The following RIC1 variants were observed in gnomAD, a reference collection of about 807,000 sequenced individuals.
RIC1 encodes guanine nucleotide exchange factor subunit RIC1.
A neutral mutation model predicts 169.0 loss-of-function variants in RIC1; 88 were observed. That is an observed-to-expected ratio of 0.52 (90% confidence interval 0.44 to 0.62). The LOEUF is 0.62. Among genes scored for constraint, RIC1 ranks in the 20% least tolerant of loss-of-function variants. RIC1 has a pLI of 0.00. For synonymous variants in RIC1, 790 were observed against 601.5 expected (o/e 1.31, Z -4.59); for missense variants, 1,877 against 1,725.5 (o/e 1.09, Z -1.56).
At chr9:5,671,992 CTG>C (rs1042743270) in intron 2 of RIC1, among the ~76,000 whole-genome samples, 3 of 152,216 alleles carry the variant, frequency 2.0e-5, no homozygotes, top group African/African-American at 7.2e-5. Context: ...CCATAAAACT[CTG>C]TTAACTGCTG....
intron 14 of RIC1, 114 bp downstream of exon 14, chr9:5,753,760 A>G: frequency 2.1e-6 from 1 of 483,514 alleles, no homozygotes; most frequent in Non-Finnish European, 3.6e-6. Context: ...AAAATAAGGA[A>G]AATCAGATAT....
intron 6 of RIC1, among the ~76,000 whole-genome samples, chr9:5,727,258 T>C (rs567097625): frequency 1.3e-5 from 2 of 152,304 alleles, no homozygotes; most frequent in South Asian, 2.1e-4. Flanking sequence ...CATTTCTTTT[T>C]ACTCTTTTTT....
chr9:5,732,192 G>T (rs186410358), intron 6 of RIC1, among the ~76,000 whole-genome samples, 196 bp from the exon 7 acceptor site: 1 of 152,306 alleles, frequency 6.6e-6, no homozygotes, highest in South Asian at 2.1e-4. Context: ...TTCATGAGAA[G>T]TTTGAGGTTT....
chr9:5,717,866 C>T lies in RIC1; in HGVS notation c.441-2316C>T, dbSNP rs567182690. On this transcript the variant is annotated intron_variant, in intron 4 of 25. Transcript: ENST00000414202. Reference sequence around the variant, plus strand: ...TAAAAAAAAAAAAAGTTCAGCCAGGCGCAGTGGCTCACGCCTGTAATCCCA... The same window carrying T: ...TAAAAAAAAAAAAAGTTCAGCCAGGTGCAGTGGCTCACGCCTGTAATCCCA... Among the ~76,000 whole-genome samples the T allele has an allele frequency of 2.8e-4, 42 of 148,826 alleles. 1 individual carries two copies. In the East Asian group the frequency reaches 7.5e-3, roughly 26 times the overall value.
intron 10 of RIC1, 70 bp downstream of exon 10, chr9:5,743,807 A>G (rs1349088909): frequency 1.7e-6 from 2 of 1,147,796 alleles, no homozygotes; most frequent in East Asian, 2.4e-5. Flanking sequence ...TTTTTCACTC[A>G]TTTTTATTTA....
intron 1 of RIC1, among the ~76,000 whole-genome samples, chr9:5,651,055 GCT>G (rs916328107): frequency 6.6e-6 from 1 of 152,174 alleles, no homozygotes; most frequent in East Asian, 1.9e-4. Context: ...CCCAGTGTGA[GCT>G]CTCTCTCTGG....
intron 4 of RIC1, among the ~76,000 whole-genome samples, chr9:5,716,774 G>A (rs1587006222): frequency 6.6e-6 from 1 of 152,138 alleles, no homozygotes; most frequent in African/African-American, 2.4e-5. Flanking sequence ...GGTGACTTGG[G>A]GCAAGGTCTA....
At chr9:5,665,913 A>G (rs1245253079) in intron 2 of RIC1, among the ~76,000 whole-genome samples, 1 of 152,190 alleles carries the variant, frequency 6.6e-6, no homozygotes, top group African/African-American at 2.4e-5. Flanking sequence ...GTCAGGAGGA[A>G]CGGGATCAGG....
At chr9:5,726,709 A>G (rs1161373749) in intron 6 of RIC1, among the ~76,000 whole-genome samples, 2 of 152,094 alleles carry the variant, frequency 1.3e-5, no homozygotes, top group Non-Finnish European at 2.9e-5. Context: ...TCCTTTCCAT[A>G]TTTAGTGCTT....
At position 5,678,857 on chromosome 9, in the gene RIC1, C is replaced by T. The variant is rs569206849; in HGVS notation, c.253-11102C>T. ...GAAGCTCTTTAGTTGAATTAGATCC[C>T]ATTTGTCAATTTTGGCTTTTGTTGC... On this transcript the variant is annotated intron_variant, in intron 2 of 25. Transcript: ENST00000414202. 8.2e-3 allele frequency among the ~76,000 whole-genome samples: 1,244 copies of T among 152,228 alleles called. 9 individuals carry two copies. The highest frequency in any genetic ancestry group is 0.012 in the Non-Finnish European group (815 of 68,010).
chr9:5,664,806 A>G (rs1819655024), intron 2 of RIC1, among the ~76,000 whole-genome samples: 1 of 151,896 alleles, frequency 6.6e-6, no homozygotes, highest in African/African-American at 2.4e-5. Flanking sequence ...GGTTTTATTC[A>G]TTTTCATTCT....
chr9:5,676,522 G>C (rs892941346), intron 2 of RIC1, among the ~76,000 whole-genome samples: 1 of 152,156 alleles, frequency 6.6e-6, no homozygotes, highest in African/African-American at 2.4e-5. Context: ...CTAGGGTACA[G>C]AGAGGTTAAG....
intron 3 of RIC1, among the ~76,000 whole-genome samples, chr9:5,703,051 CT>C (rs1214358897): frequency 1.3e-5 from 2 of 152,168 alleles, no homozygotes; most frequent in Non-Finnish European, 2.9e-5. Context: ...AATCTCATGT[CT>C]TTCTCACATT....
intron 2 of RIC1, among the ~76,000 whole-genome samples, chr9:5,686,739 G>C (rs1020787935): frequency 9.9e-5 from 15 of 151,808 alleles, no homozygotes; most frequent in Non-Finnish European, 1.8e-4. Flanking sequence ...TAACTAACCT[G>C]CACAATGTGC....
intron 12 of RIC1, among the ~76,000 whole-genome samples, chr9:5,750,229 C>T (rs575760764): frequency 6.6e-6 from 1 of 151,984 alleles, no homozygotes; most frequent in East Asian, 1.9e-4. Flanking sequence ...AGGCCATGTT[C>T]CTTCTAAGAC....
chr9:5,679,214 T>G (rs1820650863), intron 2 of RIC1, among the ~76,000 whole-genome samples: 1 of 152,118 alleles, frequency 6.6e-6, no homozygotes, highest in Non-Finnish European at 1.5e-5. Flanking sequence ...ATCTCTGTTT[T>G]GGTACCAGTA....
chr9:5,746,179 G>A, intron 11 of RIC1, 96 bp downstream of exon 11: 1 of 814,578 alleles, frequency 1.2e-6, no homozygotes, highest in South Asian at 3.5e-5. Flanking sequence ...TTCTAAAATT[G>A]GCATATTATC....
chr9:5,731,801 G>T (rs764686652), intron 6 of RIC1, among the ~76,000 whole-genome samples: 5 of 152,100 alleles, frequency 3.3e-5, no homozygotes, highest in Admixed American at 1.3e-4. Context: ...AGGTAAATAC[G>T]ATAAGAAAAC....
intron 2 of RIC1, among the ~76,000 whole-genome samples, chr9:5,680,886 G>T (rs1248411906): frequency 2.2e-5 from 3 of 135,526 alleles, no homozygotes; most frequent in Non-Finnish European, 3.1e-5. Context: ...GAGTGCAGTG[G>T]CGCGATCTCG....
Sources: allele counts gnomAD v4.1 joint callset (sites outside exome capture counted in the v4.1 genomes callset), GRCh38; gene constraint gnomAD v4.1.1; transcripts MANE v1.5; gene names NCBI Gene and HGNC (gene_info 2026-07-23, HGNC 2026-07-21).